Variants in LHFPL3 observed in about 807,000 individuals in gnomAD.
The protein encoded by LHFPL3 is LHFPL tetraspan subfamily member 3 protein.
A neutral mutation model predicts 19.3 loss-of-function variants in LHFPL3; 5 were observed. The observed-to-expected ratio is 0.26, with a 90% CI of 0.14 to 0.54. The LOEUF (loss-of-function observed/expected upper bound fraction) is 0.54. Among genes scored for constraint, LHFPL3 ranks in the 20% least tolerant of loss-of-function variants. The pLI is 0.94. For missense variants in LHFPL3, 249 were observed against 307.4 expected (o/e 0.81, Z 1.42); for synonymous variants, 133 against 126.2 (o/e 1.05, Z -0.36).
intron 1 of LHFPL3, among the ~76,000 whole-genome samples, chr7:104,678,712 G>A (rs962887501): frequency 4.6e-5 from 7 of 152,104 alleles, no homozygotes; most frequent in Admixed American, 4.6e-4. Context: ...AGATATAATT[G>A]TATAGCCATA....
At position 104,907,246 on chromosome 7, in the gene LHFPL3, A is replaced by T. The variant is rs1014717691; in HGVS notation, c.*1031A>T. 46 of 152,550 alleles carry T rather than the reference A, an allele frequency of 3.0e-4. No individual in the cohort carries two copies. The highest frequency in any genetic ancestry group is 1.0e-3 in the African/African-American group (42 of 41,524). 9.4% of individuals were successfully genotyped at this position (152,550 alleles called of 1,614,324 possible). A position where few individuals can be genotyped will look rare whatever the true frequency, so the allele number is the denominator to read the frequency against. ...GATGGGCACTCATTTTTATTTTTTT[A>T]AAAATCATTCCATTAAACATATTTC... On this transcript the variant is annotated 3_prime_UTR_variant, in exon 3 of 3. Coordinates refer to ENST00000424859, the MANE Select transcript of LHFPL3 (RefSeq NM_199000.3).
At chr7:104,363,113 A>G (rs1790421470) in intron 1 of LHFPL3, among the ~76,000 whole-genome samples, 2 of 152,226 alleles carry the variant, frequency 1.3e-5, no homozygotes, top group African/African-American at 2.4e-5. Context: ...TCTTCTCCTC[A>G]AGGGAGAAGG....
intron 1 of LHFPL3, among the ~76,000 whole-genome samples, chr7:104,611,405 T>C (rs533969281): frequency 6.6e-6 from 1 of 152,278 alleles, no homozygotes; most frequent in South Asian, 2.1e-4. Context: ...ACAGGCCACG[T>C]GGGGAGGGAT....
chr7:104,372,251 C>T lies in LHFPL3; in HGVS notation c.445+43027C>T, dbSNP rs570544985. Among the ~76,000 whole-genome samples the T allele has an allele frequency of 4.6e-5, 7 of 152,282 alleles. No individual in the cohort carries two copies. In the South Asian group the frequency reaches 1.0e-3, roughly 23 times the overall value. ...GAGGAAACTACTTTTTCCATGTATACGTTACCTTTTAGGCTCTTGTCCTTT... is the reference window on the plus strand; with the variant it reads ...GAGGAAACTACTTTTTCCATGTATATGTTACCTTTTAGGCTCTTGTCCTTT... On this transcript the variant is annotated intron_variant, in intron 1 of 2. Transcript: ENST00000424859.
intron 1 of LHFPL3, among the ~76,000 whole-genome samples, chr7:104,582,318 A>G (rs1349089996): frequency 6.6e-6 from 1 of 151,992 alleles, no homozygotes; most frequent in Non-Finnish European, 1.5e-5. Context: ...TGGATCTTGT[A>G]TCTTGCCAAC....
Position 104,907,345 on chromosome 7 carries a change from T to C in LHFPL3, c.*1130T>C, listed in dbSNP as rs1562832536. On this transcript the variant is annotated 3_prime_UTR_variant, in exon 3 of 3. Coordinates refer to ENST00000424859, the MANE Select transcript of LHFPL3 (RefSeq NM_199000.3). ...TTAGAAATAAATGACTGTATACTTATACAGGTTGAAAAAAACTCGGTAGGA... is the reference window on the plus strand; with the variant it reads ...TTAGAAATAAATGACTGTATACTTACACAGGTTGAAAAAAACTCGGTAGGA... 6.6e-6 allele frequency: 1 copy of C among 152,186 alleles called. No individual in the cohort carries two copies. The highest frequency in any genetic ancestry group is 6.6e-5 in the Admixed American group (1 of 15,262). 9.4% of individuals were successfully genotyped at this position (152,186 alleles called of 1,614,324 possible). A position where few individuals can be genotyped will look rare whatever the true frequency, so the allele number is the denominator to read the frequency against.
intron 1 of LHFPL3, among the ~76,000 whole-genome samples, chr7:104,698,764 A>C (rs934347504): frequency 6.6e-6 from 1 of 152,226 alleles, no homozygotes; most frequent in African/African-American, 2.4e-5. Flanking sequence ...AGGCCATGAA[A>C]AGACATGGAG....
intron 2 of LHFPL3, among the ~76,000 whole-genome samples, chr7:104,747,168 T>G (rs1794062462): frequency 6.6e-6 from 1 of 152,216 alleles, no homozygotes. Context: ...ACATTTGCCA[T>G]CCATGGAACT....
chr7:104,588,359 T>C (rs534726438), intron 1 of LHFPL3, among the ~76,000 whole-genome samples: 14 of 152,330 alleles, frequency 9.2e-5, no homozygotes, highest in Admixed American at 7.2e-4. Flanking sequence ...CCCAGCACCA[T>C]TTACTAAATA....
At chr7:104,439,673 T>C (rs1010419109) in intron 1 of LHFPL3, among the ~76,000 whole-genome samples, 16 of 152,006 alleles carry the variant, frequency 1.1e-4, no homozygotes, top group African/African-American at 3.4e-4. Context: ...ATCAGTAAAC[T>C]AGGAAAAAAG....
Position 104,417,470 on chromosome 7 carries a change from T to C in LHFPL3, c.445+88246T>C, listed in dbSNP as rs534580353. 3.9e-5 allele frequency among the ~76,000 whole-genome samples: 6 copies of C among 152,356 alleles called. No individual in the cohort carries two copies. In the South Asian group the frequency reaches 1.2e-3, roughly 32 times the overall value. On this transcript the variant is annotated intron_variant, in intron 1 of 2. Transcript: ENST00000424859. ...GTTGATTTGATTTGCATTTATTTGA[T>C]CTTTAGAAGGAATAAATATTTTTCT...
At chr7:104,616,024 G>A (rs1021628378) in intron 1 of LHFPL3, among the ~76,000 whole-genome samples, 4 of 152,170 alleles carry the variant, frequency 2.6e-5, no homozygotes, top group Non-Finnish European at 4.4e-5. Flanking sequence ...CATGCTTGTG[G>A]ATAGGAAGAA....
rs538656109 is a variant in LHFPL3 at position 104,666,744 on chromosome 7, G to A, written c.446-69931G>A. ...CACCGTTTTTAGCCGGGATGGTCTC[G>A]ATCTCCTGACCTCGTGATCCGCCCG... is the stretch of plus-strand genomic sequence containing the variant. On this transcript the variant is annotated intron_variant, in intron 1 of 2. Coordinates refer to ENST00000424859, the MANE Select transcript of LHFPL3 (RefSeq NM_199000.3). Among the ~76,000 whole-genome samples, 227 of 151,120 alleles carry A rather than the reference G, an allele frequency of 1.5e-3. 1 individual carries two copies. The highest frequency in any genetic ancestry group is 2.5e-3 in the Non-Finnish European group (167 of 67,678).
chr7:104,625,391 G>C (rs575099440), intron 1 of LHFPL3, among the ~76,000 whole-genome samples: 57 of 152,314 alleles, frequency 3.7e-4, no homozygotes, highest in Middle Eastern at 3.4e-3. Context: ...TAGGAGCAAA[G>C]TGCTGCACGC....
At position 104,618,303 on chromosome 7, in the gene LHFPL3, G is replaced by C. The variant is rs1791385372; in HGVS notation, c.446-118372G>C. Among the ~76,000 whole-genome samples the C allele has an allele frequency of 3.3e-5, 5 of 152,252 alleles. No homozygotes were observed. The South Asian group carries it at 1.0e-3, about 32-fold the overall frequency. ...TAAGCAGTTGCTTGATTAACAATCA[G>C]CCACCTTACACACTGCTTACTATAT... is the stretch of plus-strand genomic sequence containing the variant. On this transcript the variant is annotated intron_variant, in intron 1 of 2. Transcript: ENST00000424859.
intron 1 of LHFPL3, among the ~76,000 whole-genome samples, chr7:104,721,119 G>A (rs913594648): frequency 6.6e-6 from 1 of 152,026 alleles, no homozygotes; most frequent in Non-Finnish European, 1.5e-5. Context: ...TTCACAATAG[G>A]AAAGACTTGG....
chr7:104,880,906 C>G (rs1562824312), intron 2 of LHFPL3, among the ~76,000 whole-genome samples: 1 of 152,184 alleles, frequency 6.6e-6, no homozygotes, highest in Non-Finnish European at 1.5e-5. Context: ...CGCGGTGGCT[C>G]ATGCCTGTAA....
At chr7:104,600,556 A>C (rs1258611524) in intron 1 of LHFPL3, among the ~76,000 whole-genome samples, 3 of 152,232 alleles carry the variant, frequency 2.0e-5, no homozygotes, top group Non-Finnish European at 2.9e-5. Flanking sequence ...TACTTTTACA[A>C]AATGTTTTTC....
chr7:104,438,616 G>A (rs80077893), intron 1 of LHFPL3, among the ~76,000 whole-genome samples: 2,009 of 152,130 alleles, frequency 0.013, 43 homozygotes, highest in African/African-American at 0.046. Flanking sequence ...AGCTTACATT[G>A]TATTATAACT....
Sources: gnomAD v4.1 joint callset for allele counts (sites outside exome capture counted in the v4.1 genomes callset) on GRCh38, gnomAD v4.1.1 for gene constraint, MANE v1.5 for transcripts, NCBI Gene and HGNC (gene_info 2026-07-23, HGNC 2026-07-21) for gene names.